PARM1: variants seen among roughly 807,000 people sequenced by gnomAD.
PARM1 encodes the protein WSC4, cell wall integrity and stress response component 4 homolog.
Under a neutral mutation model 24.6 loss-of-function variants are expected in PARM1, and 14 were observed. That is an observed-to-expected ratio of 0.57 (90% CI 0.38 to 0.89). The LOEUF is 0.89. Among genes scored for constraint, PARM1 ranks in the 40% least tolerant of loss-of-function variants. The pLI is 0.00. For missense variants in PARM1, 362 were observed against 380.4 expected, an observed-to-expected ratio of 0.95 and a Z score of 0.40; for synonymous variants, 179 against 156.6, an observed-to-expected ratio of 1.14 and a Z score of -1.07.
chr4:75,000,673 C>T (rs1165710186), intron 1 of PARM1, among the ~76,000 whole-genome samples: 1 of 152,192 alleles, frequency 6.6e-6, no homozygotes, highest in East Asian at 1.9e-4. Context: ...AACTGCGGCA[C>T]ATAGATGCCC....
At chr4:74,960,897 T>C (rs1181329626) in intron 1 of PARM1, among the ~76,000 whole-genome samples, 1 of 150,156 alleles carries the variant, frequency 6.7e-6, no homozygotes, top group Non-Finnish European at 1.5e-5. Flanking sequence ...CCCCTGTAGC[T>C]GGCAGGCTGA....
rs1723667265 is a variant in PARM1, at chr4:75,049,023, TA to T, written c.*2779del. The T allele has an allele frequency of 6.6e-6, 1 of 152,482 alleles. No individual in the cohort carries two copies. The highest frequency in any genetic ancestry group is 1.5e-5 in the Non-Finnish European group (1 of 68,032). 9.4% of individuals were successfully genotyped at this position (152,482 alleles called of 1,614,324 possible). ...GGGAGAGCACCTGTCCAGGTCTGCCTAAAGGAAATGGCTCCAGTGGGTCTAA... is the reference window on the plus strand; with the variant it reads ...GGGAGAGCACCTGTCCAGGTCTGCCTAAGGAAATGGCTCCAGTGGGTCTAA... On this transcript the variant is annotated 3_prime_UTR_variant, in exon 4 of 4. Coordinates refer to ENST00000307428, the MANE Select transcript of PARM1 (RefSeq NM_015393.4).
At chr4:74,940,356 A>C (rs1721279609) in intron 1 of PARM1, among the ~76,000 whole-genome samples, 1 of 152,214 alleles carries the variant, frequency 6.6e-6, no homozygotes, top group African/African-American at 2.4e-5. Flanking sequence ...AAAACACCAT[A>C]AACAGGGTGG....
chr4:75,029,274 G>A (rs906776003), intron 2 of PARM1, among the ~76,000 whole-genome samples: 3 of 152,194 alleles, frequency 2.0e-5, no homozygotes, highest in Admixed American at 6.5e-5. Context: ...AGGCTGACCA[G>A]GAGTTTACTC....
chr4:75,045,809 C>T (rs921952856), intron 3 of PARM1, among the ~76,000 whole-genome samples: 2 of 152,238 alleles, frequency 1.3e-5, no homozygotes, highest in African/African-American at 4.8e-5. Context: ...AGCCCAGAAC[C>T]TAAGTCAGAA....
intron 1 of PARM1, among the ~76,000 whole-genome samples, chr4:74,979,702 AT>A (rs1232707239): frequency 1.3e-5 from 2 of 152,196 alleles, no homozygotes; most frequent in Non-Finnish European, 2.9e-5. Context: ...ATGAACATCA[AT>A]GCAAAAATCC....
chr4:74,943,190 C>T (rs1025854782), intron 1 of PARM1, among the ~76,000 whole-genome samples: 2 of 152,180 alleles, frequency 1.3e-5, no homozygotes, highest in African/African-American at 2.4e-5. Flanking sequence ...TCTTATCTGA[C>T]TCTTGCCTCT....
At chr4:74,977,336 A>T (rs1722158418) in intron 1 of PARM1, among the ~76,000 whole-genome samples, 1 of 152,264 alleles carries the variant, frequency 6.6e-6, no homozygotes, top group African/African-American at 2.4e-5. Context: ...ATAGCCAAAT[A>T]GACCAAGTGT....
chr4:75,020,284 A>C lies in PARM1; in HGVS notation c.769+7134A>C, dbSNP rs948799678. 2.0e-5 allele frequency among the ~76,000 whole-genome samples: 3 copies of C among 152,218 alleles called. No homozygotes were observed. In the East Asian group the frequency reaches 5.8e-4, roughly 29 times the overall value. On this transcript the variant is annotated intron_variant, in intron 2 of 3. Coordinates refer to ENST00000307428, the MANE Select transcript of PARM1 (RefSeq NM_015393.4). The stretch of plus-strand genomic sequence containing the variant: ...TTACGCTCAGCTTTACAAATATTAG[A>C]TCATTGTATATGCCCAGACCTGGTC...
intron 1 of PARM1, among the ~76,000 whole-genome samples, chr4:74,988,418 C>T (rs906721265): frequency 6.6e-6 from 1 of 152,170 alleles, no homozygotes; most frequent in Non-Finnish European, 1.5e-5. Flanking sequence ...TATCAGTATA[C>T]ATATTTATGC....
At chr4:74,991,835 T>A (rs530778722) in intron 1 of PARM1, among the ~76,000 whole-genome samples, 2 of 152,238 alleles carry the variant, frequency 1.3e-5, no homozygotes, top group East Asian at 3.9e-4. Flanking sequence ...AACTTACACA[T>A]GTCCCAGAAC....
intron 2 of PARM1, among the ~76,000 whole-genome samples, chr4:75,031,773 A>G (rs1293088780): frequency 2.0e-5 from 3 of 152,242 alleles, no homozygotes; most frequent in Admixed American, 1.3e-4. Flanking sequence ...TTTTAAAAGG[A>G]GAAATTAAAT....
At chr4:74,986,206 T>G (rs2109775730) in intron 1 of PARM1, among the ~76,000 whole-genome samples, 1 of 152,302 alleles carries the variant, frequency 6.6e-6, no homozygotes, top group East Asian at 1.9e-4. Flanking sequence ...TGCTAAAATC[T>G]TTCCTGATTA....
At chr4:74,943,107 C>T (rs1721344067) in intron 1 of PARM1, among the ~76,000 whole-genome samples, 1 of 152,196 alleles carries the variant, frequency 6.6e-6, no homozygotes, top group Admixed American at 6.5e-5. Context: ...GTCACCTTCT[C>T]AATGAGACTT....
chr4:74,936,444 T>TTTGTTTTTTTTTTG (rs780089173), intron 1 of PARM1, among the ~76,000 whole-genome samples: 1 of 13,030 alleles, frequency 7.7e-5, no homozygotes, highest in African/African-American at 1.3e-4. Flanking sequence ...AAGTGTTTTT[T>TTTGTTTTTTTTTTG]TTTTGTTTGT....
intron 2 of PARM1, among the ~76,000 whole-genome samples, chr4:75,027,123 C>T (rs970136667): frequency 1.2e-4 from 19 of 152,144 alleles, no homozygotes; most frequent in Non-Finnish European, 2.8e-4. Flanking sequence ...GGCACCATTC[C>T]ACCCACAGGC....
intron 1 of PARM1, among the ~76,000 whole-genome samples, chr4:74,977,869 C>T (rs755728177): frequency 1.3e-5 from 2 of 152,102 alleles, no homozygotes; most frequent in African/African-American, 2.4e-5. Flanking sequence ...CCAAACTAAG[C>T]TTCATAAGTG....
chr4:74,988,617 G>C (rs948944869), intron 1 of PARM1, among the ~76,000 whole-genome samples: 10 of 152,264 alleles, frequency 6.6e-5, no homozygotes, highest in African/African-American at 2.4e-4. Context: ...AGCACAAAAT[G>C]TTATAAAAGT....
At chr4:75,029,964 T>C (rs1377358085) in intron 2 of PARM1, among the ~76,000 whole-genome samples, 1 of 152,172 alleles carries the variant, frequency 6.6e-6, no homozygotes, top group Non-Finnish European at 1.5e-5. Flanking sequence ...GTACCCACTG[T>C]GGGCCAAAGA....
Sources: gnomAD v4.1 joint callset for allele counts (sites outside exome capture counted in the v4.1 genomes callset) on GRCh38, gnomAD v4.1.1 for gene constraint, MANE v1.5 for transcripts, NCBI Gene and HGNC (gene_info 2026-07-23, HGNC 2026-07-21) for gene names.